The following ARHGAP24 variants were observed in gnomAD, a reference collection of about 807,000 sequenced individuals.
ARHGAP24 encodes the protein Rho GTPase activating protein 24, also known as rho GTPase-activating protein 24.
In ARHGAP24, 50 loss-of-function variants were observed where a neutral mutation model predicts 76.4. The ratio of observed to expected loss-of-function variants is 0.65; its 90% CI spans 0.52 to 0.83. ARHGAP24 has a LOEUF of 0.83. ARHGAP24 is among the 40% of genes least tolerant of loss of function. ARHGAP24 has a pLI of 0.00. For synonymous variants in ARHGAP24, 345 were observed against 323.3 expected (o/e 1.07, Z -0.72); for missense variants, 930 against 914.2 (o/e 1.02, Z -0.22).
chr4:85,813,604 T>C (rs1390641134), intron 3 of ARHGAP24, among the ~76,000 whole-genome samples: 1 of 151,956 alleles, frequency 6.6e-6, no homozygotes, highest in East Asian at 1.9e-4. Context: ...AAGCCCTACT[T>C]TTTGTTACTT....
At chr4:85,749,760 T>G (rs1163427782) in intron 3 of ARHGAP24, among the ~76,000 whole-genome samples, 1 of 152,156 alleles carries the variant, frequency 6.6e-6, no homozygotes, top group Non-Finnish European at 1.5e-5. Flanking sequence ...AGGGACAGGA[T>G]TTCCCCATGT....
intron 3 of ARHGAP24, among the ~76,000 whole-genome samples, chr4:85,904,435 C>T (rs1378344783): frequency 1.3e-5 from 2 of 152,226 alleles, no homozygotes; most frequent in South Asian, 4.1e-4. Flanking sequence ...ACACTTCCCT[C>T]TCAGTCCCCA....
At chr4:85,969,636 C>T (rs1443368810) in intron 5 of ARHGAP24, among the ~76,000 whole-genome samples, 2 of 152,054 alleles carry the variant, frequency 1.3e-5, no homozygotes, top group African/African-American at 4.8e-5. Context: ...ATATCCTTCC[C>T]CAAGCTGTGG....
chr4:85,652,732 CTG>C (rs1721991071), intron 2 of ARHGAP24, among the ~76,000 whole-genome samples: 1 of 152,072 alleles, frequency 6.6e-6, no homozygotes, highest in Admixed American at 6.6e-5. Flanking sequence ...GATGCAGAAA[CTG>C]TGGATTAGGG....
intron 3 of ARHGAP24, among the ~76,000 whole-genome samples, chr4:85,724,385 T>C (rs1052297416): frequency 6.6e-6 from 1 of 151,994 alleles, no homozygotes; most frequent in African/African-American, 2.4e-5. Context: ...AGCAAGCTCT[T>C]TGCCATATAT....
chr4:85,850,580 G>A (rs1437872197), intron 3 of ARHGAP24, among the ~76,000 whole-genome samples: 2 of 152,106 alleles, frequency 1.3e-5, no homozygotes, highest in African/African-American at 4.8e-5. Flanking sequence ...TCTCTTGTGG[G>A]CATTTAGTGC....
At chr4:85,971,007 AGAG>A (rs1178778577) in intron 5 of ARHGAP24, among the ~76,000 whole-genome samples, 3 of 152,224 alleles carry the variant, frequency 2.0e-5, no homozygotes, top group Non-Finnish European at 2.9e-5. Context: ...CACACTCAGA[AGAG>A]GATACAAATA....
At chr4:85,692,179 T>G (rs949373168) in intron 2 of ARHGAP24, among the ~76,000 whole-genome samples, 9 of 152,280 alleles carry the variant, frequency 5.9e-5, no homozygotes, top group Non-Finnish European at 1.3e-4. Context: ...GCTTGTAAAG[T>G]TTTTGATGAA....
intron 3 of ARHGAP24, among the ~76,000 whole-genome samples, chr4:85,877,374 C>T (rs1055804613): frequency 6.6e-5 from 10 of 152,160 alleles, no homozygotes; most frequent in African/African-American, 2.4e-4. Flanking sequence ...CCTGTAATCA[C>T]CATACTTTGG....
In ARHGAP24 at chr4:85,994,589, T is replaced by A. The variant is rs185414274; in HGVS notation, c.935T>A (p.Val312Glu). The change falls in exon 9 of 10, where the codon GTG becomes GAG. Residue 312 changes from valine to glutamate, a missense_variant. Physicochemically the swap from Val to Glu is moderately radical, Grantham distance 121. Transcript: ENST00000395184. ...EDPLTIMEGT[V>E]VVQQLMSVMI... is the part of the protein sequence containing the mutation. ...ATGTTCTATGCAATTCTAGGCACTG[T>A]GGTGGTCCAGCAGTTGATGTCAGTG... 7.4e-6 allele frequency: 12 copies of A among 1,613,946 alleles called. No homozygotes were observed. The highest frequency in any genetic ancestry group is 3.3e-5 in the Admixed American group (2 of 60,016).
At chr4:85,663,001 G>T (rs62315279) in intron 2 of ARHGAP24, among the ~76,000 whole-genome samples, 1 of 151,858 alleles carries the variant, frequency 6.6e-6, no homozygotes, top group Admixed American at 6.6e-5. Context: ...GGTGATGCGG[G>T]CTCTTTTTTG....
chr4:85,988,319 T>C (rs1162515980), intron 8 of ARHGAP24, among the ~76,000 whole-genome samples: 1 of 151,718 alleles, frequency 6.6e-6, no homozygotes, highest in Non-Finnish European at 1.5e-5. Flanking sequence ...CATTAAAAGA[T>C]AACCTGTTGT....
intron 3 of ARHGAP24, among the ~76,000 whole-genome samples, chr4:85,859,165 GCA>G (rs1018635580): frequency 8.0e-5 from 12 of 150,280 alleles, no homozygotes; most frequent in South Asian, 2.1e-4. Context: ...CCACTTCTGT[GCA>G]CACACACACA....
At chr4:85,809,796 C>G (rs1370051462) in intron 3 of ARHGAP24, among the ~76,000 whole-genome samples, 2 of 152,158 alleles carry the variant, frequency 1.3e-5, no homozygotes, top group African/African-American at 4.8e-5. Flanking sequence ...CTGCAAGAAG[C>G]AGGAAATGTG....
intron 1 of ARHGAP24, among the ~76,000 whole-genome samples, chr4:85,505,740 T>C (rs1036765228): frequency 1.3e-5 from 2 of 152,124 alleles, no homozygotes; most frequent in African/African-American, 4.8e-5. Flanking sequence ...CTCGTCAAAG[T>C]CATTCTCCAT....
At position 85,941,955 on chromosome 4, in the gene ARHGAP24, C is replaced by G. The variant is rs774763831; in HGVS notation, c.392-111C>G. ...AATGTGAAATACTGAATGTTAAGTG[C>G]TTGCTAGCATTCCAATCTTTGTTTT... is the stretch of plus-strand genomic sequence containing the variant. On this transcript the variant is annotated intron_variant, in intron 4 of 9. Transcript: ENST00000395184. 5.9e-4 allele frequency: 633 copies of G among 1,068,348 alleles called. 5 individuals are homozygous for G. The highest frequency in any genetic ancestry group is 1.4e-3 in the African/African-American group (86 of 63,416). 66.2% of individuals were successfully genotyped at this position (1,068,348 alleles called of 1,614,324 possible).
At chr4:85,737,502 C>T (rs1203425724) in intron 3 of ARHGAP24, among the ~76,000 whole-genome samples, 2 of 152,166 alleles carry the variant, frequency 1.3e-5, no homozygotes, top group Non-Finnish European at 2.9e-5. Flanking sequence ...GACTTAATTA[C>T]ACAGAAGGAG....
intron 2 of ARHGAP24, among the ~76,000 whole-genome samples, chr4:85,673,920 C>T (rs899459651): frequency 1.2e-4 from 18 of 151,794 alleles, no homozygotes; most frequent in African/African-American, 2.7e-4. Flanking sequence ...CATTTTGTTG[C>T]GTAGCTTGTA....
chr4:85,764,504 T>A (rs1307047338), intron 3 of ARHGAP24, among the ~76,000 whole-genome samples: 1 of 152,162 alleles, frequency 6.6e-6, no homozygotes, highest in African/African-American at 2.4e-5. Flanking sequence ...AAACACAGGT[T>A]TGATGCAGCT....
Sources: gnomAD v4.1 joint callset for allele counts (sites outside exome capture counted in the v4.1 genomes callset) on GRCh38, gnomAD v4.1.1 for gene constraint, MANE v1.5 for transcripts, NCBI Gene and HGNC (gene_info 2026-07-23, HGNC 2026-07-21) for gene names.